SYT1: variants seen among roughly 807,000 people sequenced by gnomAD.
The protein encoded by SYT1 is synaptotagmin-1.
SYT1 carries 8 observed loss-of-function variants against 44.8 expected under a neutral mutation model. The observed-to-expected ratio is 0.18, with a 90% CI of 0.10 to 0.32. The LOEUF is 0.32. SYT1 is among the 10% of genes least tolerant of loss of function. The pLI is 1.00. For missense variants in SYT1, 286 were observed against 509.3 expected, an observed-to-expected ratio of 0.56 and a Z score of 4.22; for synonymous variants, 154 against 188.8, an observed-to-expected ratio of 0.82 and a Z score of 1.51.
rs146379644 is a variant in SYT1 at position 79,251,465 on chromosome 12, A to G, written c.166+33780A>G. The stretch of plus-strand genomic sequence containing the variant: ...AATTTGAGTCAAAATAAGCCTCCTT[A>G]GTCATCAAATCTAGATACTCCCTCA... On this transcript the variant is annotated intron_variant, in intron 4 of 10. Transcript: ENST00000261205. Among the ~76,000 whole-genome samples the G allele has an allele frequency of 5.3e-3, 800 of 152,326 alleles. 5 individuals carry two copies. Among genetic ancestry groups the G allele is most frequent in the Non-Finnish European group, 8.8e-3 (601 of 68,012 alleles).
At chr12:78,950,380 C>A (rs1486379789) in intron 1 of SYT1, among the ~76,000 whole-genome samples, 1 of 151,984 alleles carries the variant, frequency 6.6e-6, no homozygotes, top group Non-Finnish European at 1.5e-5. Flanking sequence ...AATGAACAAT[C>A]ATGCAACACA....
At chr12:79,069,205 AC>A (rs1256446080) in intron 3 of SYT1, among the ~76,000 whole-genome samples, 1 of 152,176 alleles carries the variant, frequency 6.6e-6, no homozygotes, top group Non-Finnish European at 1.5e-5. Context: ...ACAATGTGAA[AC>A]CAAGACCACA....
chr12:79,184,495 A>G (rs527931176), intron 3 of SYT1, among the ~76,000 whole-genome samples: 9 of 152,174 alleles, frequency 5.9e-5, no homozygotes, highest in Non-Finnish European at 1.0e-4. Context: ...GTTTCTGGCC[A>G]TGTGACCATC....
chr12:79,262,341 A>T (rs574616035), intron 4 of SYT1, among the ~76,000 whole-genome samples: 1 of 152,164 alleles, frequency 6.6e-6, no homozygotes, highest in Non-Finnish European at 1.5e-5. Flanking sequence ...CTCCAACCTT[A>T]TGACTCTTCT....
intron 1 of SYT1, among the ~76,000 whole-genome samples, chr12:78,888,712 C>T (rs761247771): frequency 4.0e-5 from 6 of 151,870 alleles, no homozygotes; most frequent in Non-Finnish European, 7.4e-5. Flanking sequence ...CCACTACCTG[C>T]TGATTGGTTA....
At chr12:79,020,148 A>G (rs1397881016) in intron 2 of SYT1, among the ~76,000 whole-genome samples, 3 of 151,994 alleles carry the variant, frequency 2.0e-5, no homozygotes, top group Non-Finnish European at 4.4e-5. Context: ...GAAGTACAAT[A>G]CTAAGGATGT....
intron 8 of SYT1, among the ~76,000 whole-genome samples, chr12:79,319,165 T>C (rs1438410835): frequency 6.6e-6 from 1 of 152,190 alleles, no homozygotes; most frequent in Non-Finnish European, 1.5e-5. Flanking sequence ...TAATTTTGGT[T>C]TAAAAAATGC....
chr12:79,362,410 G>A (rs1241240554), intron 9 of SYT1, among the ~76,000 whole-genome samples: 1 of 152,078 alleles, frequency 6.6e-6, no homozygotes, highest in Non-Finnish European at 1.5e-5. Flanking sequence ...TTCACCAAGT[G>A]AACATGTCTT....
At chr12:79,137,137 C>A (rs1565822298) in intron 3 of SYT1, among the ~76,000 whole-genome samples, 1 of 151,794 alleles carries the variant, frequency 6.6e-6, no homozygotes, top group Admixed American at 6.6e-5. Context: ...CTCTTATTGC[C>A]CAGCCTGGAG....
chr12:79,082,880 C>G (rs1877129626), intron 3 of SYT1, among the ~76,000 whole-genome samples: 1 of 151,898 alleles, frequency 6.6e-6, no homozygotes, highest in Non-Finnish European at 1.5e-5. Flanking sequence ...TGGTCCTTGC[C>G]AGGTGAACAC....
intron 3 of SYT1, among the ~76,000 whole-genome samples, chr12:79,203,988 C>T (rs916379687): frequency 2.0e-5 from 3 of 152,188 alleles, no homozygotes; most frequent in Non-Finnish European, 4.4e-5. Context: ...ATTCGATCAA[C>T]ATTTATCTAT....
chr12:79,430,285 C>T (rs1869699204), intron 9 of SYT1, among the ~76,000 whole-genome samples: 1 of 152,212 alleles, frequency 6.6e-6, no homozygotes, highest in African/African-American at 2.4e-5. Context: ...GAGTTCCTGT[C>T]ACAGTTATTG....
At chr12:78,999,801 A>G (rs546520397) in intron 2 of SYT1, among the ~76,000 whole-genome samples, 1 of 152,290 alleles carries the variant, frequency 6.6e-6, no homozygotes, top group South Asian at 2.1e-4. Context: ...GCTTGCTAAT[A>G]TCCCTACAAA....
chr12:79,175,872 C>G (rs1249647827), intron 3 of SYT1, among the ~76,000 whole-genome samples: 3 of 152,046 alleles, frequency 2.0e-5, no homozygotes, highest in Admixed American at 2.0e-4. Flanking sequence ...GGTAGCATCC[C>G]CACAGTCAAC....
At chr12:79,259,251 A>G (rs542836095) in intron 4 of SYT1, among the ~76,000 whole-genome samples, 6 of 152,364 alleles carry the variant, frequency 3.9e-5, no homozygotes, top group African/African-American at 1.4e-4. Context: ...ATTAATATTT[A>G]TAGTTCTACA....
At chr12:79,320,078 T>C (rs141276232) in intron 8 of SYT1, among the ~76,000 whole-genome samples, 205 of 152,326 alleles carry the variant, frequency 1.3e-3, no homozygotes, top group African/African-American at 4.6e-3. Flanking sequence ...TAATGCAATA[T>C]AAGCTCTTTA....
Position 78,919,568 on chromosome 12 carries a change from G to A in SYT1, c.-217+54459G>A, listed in dbSNP as rs181766971. ...CTTAAGGTGGTGTAGTATATATGCA[G>A]TATATATTACCACCCCATTTCCCAT... On this transcript the variant is annotated intron_variant, in intron 1 of 10. Transcript: ENST00000261205. 4.8e-4 allele frequency among the ~76,000 whole-genome samples: 73 copies of A among 152,170 alleles called. 1 individual carries two copies. Among genetic ancestry groups the A allele is most frequent in the African/African-American group, 1.7e-3 (71 of 41,540 alleles).
intron 1 of SYT1, among the ~76,000 whole-genome samples, chr12:78,962,196 T>C (rs1879539716): frequency 6.6e-6 from 1 of 152,160 alleles, no homozygotes; most frequent in African/African-American, 2.4e-5. Flanking sequence ...ATTATCTCAA[T>C]GAGGCTGGGT....
At chr12:79,256,513 G>C (rs1877526432) in intron 4 of SYT1, among the ~76,000 whole-genome samples, 1 of 152,106 alleles carries the variant, frequency 6.6e-6, no homozygotes, top group Non-Finnish European at 1.5e-5. Context: ...TGTGATTTCT[G>C]AGTTATATGT....
Sources: allele counts gnomAD v4.1 joint callset (sites outside exome capture counted in the v4.1 genomes callset), GRCh38; gene constraint gnomAD v4.1.1; transcripts MANE v1.5; gene names NCBI Gene and HGNC (gene_info 2026-07-23, HGNC 2026-07-21).